The following DTWD2 variants were observed in gnomAD, a reference collection of about 807,000 sequenced individuals.
The protein encoded by DTWD2 is DTW motif tRNA-uridine aminocarboxypropyltransferase 2, also known as tRNA-uridine aminocarboxypropyltransferase 2.
DTWD2 carries 39 observed loss-of-function variants against 31.8 expected under a neutral mutation model. The ratio of observed to expected loss-of-function variants is 1.22; its 90% CI spans 0.95 to 1.60. The LOEUF is 1.60. Ranked by LOEUF, DTWD2 falls within the 40% of genes most tolerant of loss-of-function variation. DTWD2 has a pLI of 0.00. For missense variants in DTWD2, 515 were observed against 381.5 expected (o/e 1.35, Z -2.92); for synonymous variants, 180 against 142.8 (o/e 1.26, Z -1.86).
At chr5:118,964,913 G>A (rs1754795860) in intron 1 of DTWD2, among the ~76,000 whole-genome samples, 1 of 152,258 alleles carries the variant, frequency 6.6e-6, no homozygotes, top group East Asian at 1.9e-4. Context: ...CGTCTGGGAT[G>A]TGAGGAGCCC....
chr5:118,900,548 T>C (rs1022855804), intron 4 of DTWD2, among the ~76,000 whole-genome samples: 4 of 152,152 alleles, frequency 2.6e-5, no homozygotes, highest in African/African-American at 4.8e-5. Context: ...TATCCTGATA[T>C]ACAAAAAAGA....
chr5:118,972,089 A>T (rs1755000633), intron 1 of DTWD2, among the ~76,000 whole-genome samples: 1 of 152,242 alleles, frequency 6.6e-6, no homozygotes, highest in Non-Finnish European at 1.5e-5. Flanking sequence ...AACAAACTCC[A>T]AAGCTAGCAG....
chr5:118,952,183 T>C (rs1754480855), intron 1 of DTWD2, among the ~76,000 whole-genome samples: 1 of 152,190 alleles, frequency 6.6e-6, no homozygotes, highest in African/African-American at 2.4e-5. Flanking sequence ...AGGTCGTAGA[T>C]GGATCTTTCT....
At chr5:118,984,562 C>T (rs1045733540) in intron 1 of DTWD2, among the ~76,000 whole-genome samples, 4 of 151,896 alleles carry the variant, frequency 2.6e-5, no homozygotes, top group Admixed American at 2.6e-4. Context: ...TGGCAGATGG[C>T]TGGTGTTTAG....
At chr5:118,927,097 GGAGA>G (rs1252963475) in intron 4 of DTWD2, among the ~76,000 whole-genome samples, 1 of 152,036 alleles carries the variant, frequency 6.6e-6, no homozygotes, top group East Asian at 1.9e-4. Flanking sequence ...AAAGAGAGAC[GGAGA>G]GAGACAGAGA....
At chr5:118,904,463 T>C (rs1753281354) in intron 4 of DTWD2, among the ~76,000 whole-genome samples, 1 of 152,132 alleles carries the variant, frequency 6.6e-6, no homozygotes, top group African/African-American at 2.4e-5. Flanking sequence ...ATTTTTTGTA[T>C]AACATGTGCA....
At chr5:118,923,521 GCA>G (rs1332813371) in intron 4 of DTWD2, among the ~76,000 whole-genome samples, 1 of 152,168 alleles carries the variant, frequency 6.6e-6, no homozygotes, top group Non-Finnish European at 1.5e-5. Flanking sequence ...GGTAAGGGAG[GCA>G]CTGCGCATGC....
intron 4 of DTWD2, among the ~76,000 whole-genome samples, chr5:118,883,855 T>C (rs974972089): frequency 6.6e-6 from 1 of 152,124 alleles, no homozygotes; most frequent in African/African-American, 2.4e-5. Context: ...TCAAAATCTT[T>C]TTACAGGAGA....
At chr5:118,872,715 T>C (rs541268320) in intron 4 of DTWD2, among the ~76,000 whole-genome samples, 3 of 152,316 alleles carry the variant, frequency 2.0e-5, no homozygotes, top group South Asian at 2.1e-4. Flanking sequence ...GTTTGAAACA[T>C]TGTAAGAATT....
chr5:118,840,886 C>T lies in DTWD2; in HGVS notation c.*31G>A. 6.2e-7 allele frequency: 1 copy of T among 1,602,660 alleles called. No individual in the cohort carries two copies. The highest frequency in any genetic ancestry group is 8.5e-7 in the Non-Finnish European group (1 of 1,174,276). The stretch of plus-strand genomic sequence containing the variant: ...TTAATTTGGTATTGTTAGATGAAGA[C>T]AGTTAAGCTAGCACCAAAAGAATAA... On this transcript the variant is annotated 3_prime_UTR_variant, in exon 6 of 6. Coordinates refer to ENST00000510708, the MANE Select transcript of DTWD2 (RefSeq NM_173666.4).
chr5:118,879,259 T>C (rs1422821543), intron 4 of DTWD2, among the ~76,000 whole-genome samples: 1 of 152,104 alleles, frequency 6.6e-6, no homozygotes, highest in Non-Finnish European at 1.5e-5. Flanking sequence ...AGTGATAGAC[T>C]GAATAAGGAA....
At chr5:118,843,746 A>T (rs759258234) in intron 5 of DTWD2, among the ~76,000 whole-genome samples, 3 of 152,238 alleles carry the variant, frequency 2.0e-5, no homozygotes, top group Non-Finnish European at 4.4e-5. Flanking sequence ...GAGGTAATGA[A>T]GAGAATGAAT....
At chr5:118,962,588 T>C (rs1275871685) in intron 1 of DTWD2, among the ~76,000 whole-genome samples, 2 of 151,720 alleles carry the variant, frequency 1.3e-5, no homozygotes, top group East Asian at 1.9e-4. Flanking sequence ...TAAACAGTAA[T>C]GATATTTCAT....
chr5:118,906,678 G>A (rs1263326793), intron 4 of DTWD2, among the ~76,000 whole-genome samples: 1 of 152,122 alleles, frequency 6.6e-6, no homozygotes, highest in East Asian at 1.9e-4. Context: ...GTTGCCTAAA[G>A]ACAGGGAAAG....
At chr5:118,883,302 T>C (rs761788386) in intron 4 of DTWD2, among the ~76,000 whole-genome samples, 2 of 152,204 alleles carry the variant, frequency 1.3e-5, no homozygotes, top group African/African-American at 4.8e-5. Context: ...ACCAGCATTT[T>C]GGTCAAAACC....
intron 4 of DTWD2, among the ~76,000 whole-genome samples, chr5:118,916,464 G>A (rs191413512): frequency 1.3e-5 from 2 of 152,086 alleles, no homozygotes; most frequent in African/African-American, 4.8e-5. Context: ...TCGGGAGTTC[G>A]AGACCAGCCT....
Position 118,839,350 on chromosome 5 carries a change from GT to G in DTWD2, c.*1566del, listed in dbSNP as rs1258559901. ...AGTGCTTTACATTGTAAATGAGCTA[GT>G]TTGTTTATTTATTTATTTATTTTAG... On this transcript the variant is annotated 3_prime_UTR_variant, in exon 6 of 6. Coordinates refer to ENST00000510708, the MANE Select transcript of DTWD2 (RefSeq NM_173666.4). 1 of 151,832 alleles carries G rather than the reference GT, an allele frequency of 6.6e-6. No individual in the cohort carries two copies. The highest frequency in any genetic ancestry group is 1.5e-5 in the Non-Finnish European group (1 of 67,948). The allele number at this position is 151,832 out of a possible 1,614,324, so 9.4% of individuals were successfully genotyped here. A position where few individuals can be genotyped will look rare whatever the true frequency, so the allele number is the denominator to read the frequency against.
At chr5:118,922,797 G>C (rs1753731650) in intron 4 of DTWD2, among the ~76,000 whole-genome samples, 1 of 152,102 alleles carries the variant, frequency 6.6e-6, no homozygotes, top group Admixed American at 6.5e-5. Context: ...CGTCCTCTGA[G>C]GAACTTCCTA....
intron 4 of DTWD2, among the ~76,000 whole-genome samples, chr5:118,905,604 A>T (rs989802666): frequency 2.6e-5 from 4 of 152,166 alleles, no homozygotes; most frequent in Non-Finnish European, 4.4e-5. Flanking sequence ...TCTAACCCAT[A>T]TCTAAAAAAC....
Sources: allele counts gnomAD v4.1 joint callset (sites outside exome capture counted in the v4.1 genomes callset), GRCh38; gene constraint gnomAD v4.1.1; transcripts MANE v1.5; gene names NCBI Gene and HGNC (gene_info 2026-07-23, HGNC 2026-07-21).